KIF21A: variants seen among roughly 807,000 people sequenced by gnomAD.
The protein encoded by KIF21A is kinesin-like protein KIF21A.
KIF21A carries 114 observed loss-of-function variants against 202.9 expected under a neutral mutation model. That is an observed-to-expected ratio of 0.56 (90% confidence interval 0.48 to 0.66). KIF21A has a LOEUF of 0.66. Ranked by LOEUF, KIF21A falls within the 30% of genes least tolerant of loss-of-function variation. The probability of loss-of-function intolerance (pLI) is 0.00; values close to 1 mark genes in which losing one functional copy is unlikely to be tolerated. For missense variants in KIF21A, 1,677 were observed against 1,994.9 expected (o/e 0.84, Z 3.04); for synonymous variants, 667 against 670.8 (o/e 0.99, Z 0.09).
At chr12:39,373,987 C>T (rs76994998) in intron 1 of KIF21A, among the ~76,000 whole-genome samples, 9,586 of 152,148 alleles carry the variant, frequency 0.063, 1,017 homozygotes, top group African/African-American at 0.22. Flanking sequence ...GAAAGTCACA[C>T]CTAGGAGGGG....
At chr12:39,311,130 AT>A (rs966354451) in intron 32 of KIF21A, among the ~76,000 whole-genome samples, 19 of 152,054 alleles carry the variant, frequency 1.2e-4, no homozygotes, top group African/African-American at 4.6e-4. Flanking sequence ...CCTTTTATAG[AT>A]TTTTATATAA....
intron 1 of KIF21A, among the ~76,000 whole-genome samples, chr12:39,412,774 T>C (rs1953214655): frequency 6.6e-6 from 1 of 152,116 alleles, no homozygotes; most frequent in Non-Finnish European, 1.5e-5. Flanking sequence ...ATCTCCATAA[T>C]TAGAGCAGTA....
intron 1 of KIF21A, among the ~76,000 whole-genome samples, chr12:39,415,972 A>C (rs1030831404): frequency 6.6e-6 from 1 of 152,196 alleles, no homozygotes; most frequent in Non-Finnish European, 1.5e-5. Context: ...AGGAAAGCTT[A>C]ATGATGAACT....
chr12:39,383,449 T>C (rs1803564093), intron 1 of KIF21A, among the ~76,000 whole-genome samples: 1 of 152,192 alleles, frequency 6.6e-6, no homozygotes. Flanking sequence ...TATTTGAGAC[T>C]AACTATAAAA....
At chr12:39,390,243 CA>C (rs1174584049) in intron 1 of KIF21A, among the ~76,000 whole-genome samples, 3 of 152,184 alleles carry the variant, frequency 2.0e-5, no homozygotes, top group East Asian at 3.8e-4. Context: ...GCAATCCACA[CA>C]CTGTAAAACC....
At chr12:39,360,614 A>C (rs1349901994) in intron 7 of KIF21A, among the ~76,000 whole-genome samples, 2 of 152,106 alleles carry the variant, frequency 1.3e-5, no homozygotes, top group Non-Finnish European at 2.9e-5. Flanking sequence ...GCTGGTCTTC[A>C]ACTTGTGACC....
chr12:39,409,835 C>CA (rs1053799071), intron 1 of KIF21A, among the ~76,000 whole-genome samples: 1 of 134,828 alleles, frequency 7.4e-6, no homozygotes, highest in Non-Finnish European at 1.6e-5. Context: ...AAGAAGCTGG[C>CA]TTTTTTTTTT....
At position 39,332,425 on chromosome 12, in the gene KIF21A, T is replaced by C. The variant is rs763710857; in HGVS notation, c.2857-17A>G. ...CTCCCGTTGCTATTGAGAAAGCAGG[T>C]TGGATTTTAAGAAATTATGTTCACT... On this transcript the variant is annotated splice_polypyrimidine_tract_variant and intron_variant, in intron 20 of 37. Transcript: ENST00000361418. 9 of 1,612,596 alleles carry C rather than the reference T, an allele frequency of 5.6e-6. No individual in the cohort carries two copies. In the Admixed American group the frequency reaches 1.5e-4, roughly 27 times the overall value.
chr12:39,329,138 T>C (rs1223246121), intron 24 of KIF21A, among the ~76,000 whole-genome samples: 1 of 152,212 alleles, frequency 6.6e-6, no homozygotes, highest in Non-Finnish European at 1.5e-5. Flanking sequence ...GGTTTAAATT[T>C]CATTGTTTTC....
Position 39,366,878 on chromosome 12 carries a change from G to A in KIF21A, c.735+152C>T, listed in dbSNP as rs1592365074. On this transcript the variant is annotated intron_variant, in intron 5 of 37. Coordinates refer to ENST00000361418, the MANE Select transcript of KIF21A (RefSeq NM_001173464.2). ...TTTTATTTCAAAATCTTACATGGCT[G>A]ACCAGCTTCAACTTAACTAGGATCA... 3.8e-6 allele frequency: 3 copies of A among 792,604 alleles called. No individual in the cohort carries two copies. The African/African-American group carries it at 5.2e-5, about 14-fold the overall frequency. 49.1% of individuals were successfully genotyped at this position (792,604 alleles called of 1,614,324 possible). A position where few individuals can be genotyped will look rare whatever the true frequency, so the allele number is the denominator to read the frequency against.
intron 28 of KIF21A, among the ~76,000 whole-genome samples, chr12:39,318,960 A>G (rs1426032537): frequency 1.3e-5 from 2 of 151,816 alleles, no homozygotes; most frequent in African/African-American, 2.4e-5. Context: ...CAGCCTGGGC[A>G]ACAGAGCGAG....
intron 1 of KIF21A, among the ~76,000 whole-genome samples, chr12:39,399,353 C>T (rs1436396460): frequency 6.6e-6 from 1 of 152,004 alleles, no homozygotes; most frequent in African/African-American, 2.4e-5. Flanking sequence ...ATTTTGGTAC[C>T]CACAGGGGAC....
At chr12:39,419,333 C>T (rs1235024981) in intron 1 of KIF21A, among the ~76,000 whole-genome samples, 1 of 152,054 alleles carries the variant, frequency 6.6e-6, no homozygotes, top group African/African-American at 2.4e-5. Context: ...AAGTGATTTG[C>T]CTAAAGTTAA....
chr12:39,300,111 A>T (rs976268748), intron 37 of KIF21A, among the ~76,000 whole-genome samples: 19 of 150,506 alleles, frequency 1.3e-4, no homozygotes, highest in African/African-American at 4.1e-4. Flanking sequence ...AAATAAAAGT[A>T]AAAAAAAAGA....
chr12:39,304,359 ATC>A (rs1246714080), intron 35 of KIF21A, among the ~76,000 whole-genome samples: 1 of 152,154 alleles, frequency 6.6e-6, no homozygotes, highest in African/African-American at 2.4e-5. Flanking sequence ...CCAAACCTAC[ATC>A]TCTAGTCACA....
At chr12:39,347,850 T>G (rs1378315187) in intron 11 of KIF21A, among the ~76,000 whole-genome samples, 1 of 152,058 alleles carries the variant, frequency 6.6e-6, no homozygotes, top group Non-Finnish European at 1.5e-5. Context: ...TTGCAAGTCA[T>G]TTAAAGCTAG....
intron 28 of KIF21A, among the ~76,000 whole-genome samples, chr12:39,318,980 C>CAA (rs547322135): frequency 8.1e-5 from 7 of 86,380 alleles, no homozygotes; most frequent in East Asian, 3.2e-4. Flanking sequence ...GACTCCGTCT[C>CAA]AAAAAAAAAA....
In KIF21A at chr12:39,341,501, G is replaced by T. The variant is rs1255123369; in HGVS notation, c.1921+4C>A. 5.6e-6 allele frequency: 9 copies of T among 1,612,564 alleles called. No homozygotes were observed. The highest frequency in any genetic ancestry group is 1.3e-5 in the African/African-American group (1 of 74,892). On this transcript the variant is annotated splice_donor_region_variant and intron_variant, in intron 14 of 37. Coordinates refer to ENST00000361418, the MANE Select transcript of KIF21A (RefSeq NM_001173464.2). Reference sequence around the variant, plus strand: ...TTTTTGCCCTTATACCAAAGGGCAAGTACCTTTTTCATCTGATTCAGAATC... The same window carrying T: ...TTTTTGCCCTTATACCAAAGGGCAATTACCTTTTTCATCTGATTCAGAATC...
chr12:39,298,480 A>G (rs1458322421), intron 37 of KIF21A, among the ~76,000 whole-genome samples: 1 of 147,730 alleles, frequency 6.8e-6, no homozygotes, highest in Non-Finnish European at 1.5e-5. Context: ...CCGGTATAGT[A>G]GAGAGATACC....
Sources: allele counts gnomAD v4.1 joint callset (sites outside exome capture counted in the v4.1 genomes callset), GRCh38; gene constraint gnomAD v4.1.1; transcripts MANE v1.5; gene names NCBI Gene and HGNC (gene_info 2026-07-23, HGNC 2026-07-21).